The following TRAF3 variants were observed in gnomAD, a reference collection of about 807,000 sequenced individuals.
The protein encoded by TRAF3 is TNF receptor associated factor 3.
In TRAF3, 13 loss-of-function variants were observed where a neutral mutation model predicts 62.3. That is an observed-to-expected ratio of 0.21 (90% CI 0.14 to 0.33). The LOEUF is 0.33. Among genes scored for constraint, TRAF3 ranks in the 10% least tolerant of loss-of-function variants. The pLI is 1.00. For missense variants in TRAF3, 440 were observed against 741.8 expected (o/e 0.59, Z 4.73); for synonymous variants, 269 against 283.4 (o/e 0.95, Z 0.51).
intron 2 of TRAF3, among the ~76,000 whole-genome samples, chr14:102,845,531 T>TC (rs947335777): frequency 3.3e-5 from 5 of 150,332 alleles, no homozygotes; most frequent in African/African-American, 1.2e-4. Context: ...TTTTTTTTTT[T>TC]TCAAGACGGA....
chr14:102,891,997 G>A (rs1343357145), intron 9 of TRAF3, among the ~76,000 whole-genome samples: 7 of 150,552 alleles, frequency 4.6e-5, no homozygotes, highest in African/African-American at 7.3e-5. Context: ...AACTTGGTGC[G>A]CTCTCCACAT....
chr14:102,846,362 A>G (rs1886720157), intron 2 of TRAF3, among the ~76,000 whole-genome samples: 1 of 152,222 alleles, frequency 6.6e-6, no homozygotes, highest in Non-Finnish European at 1.5e-5. Flanking sequence ...AGACACAGCA[A>G]CAACAAAAAA....
intron 7 of TRAF3, among the ~76,000 whole-genome samples, 160 bp downstream of exon 7, chr14:102,886,429 T>C (rs185063977): frequency 6.6e-6 from 1 of 152,162 alleles, no homozygotes; most frequent in Non-Finnish European, 1.5e-5. Flanking sequence ...TATGCCATTT[T>C]TTGGAAGTCA....
chr14:102,868,157 G>A (rs1374695237), intron 2 of TRAF3, among the ~76,000 whole-genome samples: 1 of 152,242 alleles, frequency 6.6e-6, no homozygotes. Flanking sequence ...TTGGGTACAG[G>A]AACGCAGTGT....
At chr14:102,862,215 A>T (rs1158857570) in intron 2 of TRAF3, among the ~76,000 whole-genome samples, 1 of 152,018 alleles carries the variant, frequency 6.6e-6, no homozygotes, top group African/African-American at 2.4e-5. Flanking sequence ...TTTTTGAAAG[A>T]TAGTTTTACT....
intron 1 of TRAF3, among the ~76,000 whole-genome samples, chr14:102,780,612 C>T (rs1194449352): frequency 6.6e-6 from 1 of 151,516 alleles, no homozygotes; most frequent in Admixed American, 6.6e-5. Context: ...AATGTTGATG[C>T]CTGTTGGTTT....
intron 1 of TRAF3, among the ~76,000 whole-genome samples, chr14:102,818,464 G>T (rs1566753721): frequency 6.6e-6 from 1 of 152,358 alleles, no homozygotes; most frequent in South Asian, 2.1e-4. Context: ...CTTGTGGACA[G>T]ATCAGGTGGC....
chr14:102,827,938 G>A (rs535396544), intron 1 of TRAF3, among the ~76,000 whole-genome samples: 543 of 152,362 alleles, frequency 3.6e-3, no homozygotes, highest in Non-Finnish European at 5.0e-3. Context: ...TCATTCCCAG[G>A]AGCCCCTCAG....
chr14:102,870,239 T>A lies in TRAF3; in HGVS notation c.38T>A (p.Leu13Gln). ...AAAAAGATGGACTCTCCTGGCGCGC[T>A]GCAGACTAACCCGCCGCTAAAGCTG... ...SSKKMDSPGA[L>Q]QTNPPLKLHT... Residue 13 changes from leucine to glutamine, a missense_variant, in exon 3 of 12, where the codon CTG becomes CAG. Physicochemically the swap from Leu to Gln is moderately radical, Grantham distance 113. This residue lies in a region of TRAF3 where 40 missense variants were observed against 38.3 expected (regional missense o/e 1.05). Transcript: ENST00000392745. The A allele has an allele frequency of 1.2e-5, 20 of 1,613,982 alleles. No individual in the cohort carries two copies. The highest frequency in any genetic ancestry group is 1.7e-5 in the Non-Finnish European group (20 of 1,179,976).
intron 1 of TRAF3, among the ~76,000 whole-genome samples, chr14:102,808,159 G>A (rs776322328): frequency 1.5e-4 from 23 of 152,096 alleles, no homozygotes; most frequent in Non-Finnish European, 1.8e-4. Context: ...CACGTCCCTG[G>A]TTTGCCACAG....
chr14:102,842,570 G>C (rs1886440721), intron 2 of TRAF3, among the ~76,000 whole-genome samples: 1 of 152,076 alleles, frequency 6.6e-6, no homozygotes, highest in Non-Finnish European at 1.5e-5. Flanking sequence ...AAAATATTTG[G>C]AGAAATAATG....
At chr14:102,786,684 TA>T (rs563626261) in intron 1 of TRAF3, among the ~76,000 whole-genome samples, 31 of 148,392 alleles carry the variant, frequency 2.1e-4, no homozygotes, top group Non-Finnish European at 3.7e-4. Flanking sequence ...TAAAACTGTC[TA>T]AAAAAAAAAC....
intron 2 of TRAF3, among the ~76,000 whole-genome samples, chr14:102,837,717 G>C (rs1039688855): frequency 6.6e-6 from 1 of 152,168 alleles, no homozygotes; most frequent in African/African-American, 2.4e-5. Context: ...TGGAAATTTT[G>C]AGATATGTAT....
chr14:102,906,428 A>G lies in TRAF3; in HGVS notation c.*644A>G, dbSNP rs1890588707. On this transcript the variant is annotated 3_prime_UTR_variant, in exon 12 of 12. Transcript: ENST00000392745. ...AAATAATTGTTACTGCAAACATTTT[A>G]TTTTAAAACGTTGATAGACTGATAT... 2 of 152,448 alleles carry G rather than the reference A, an allele frequency of 1.3e-5. No individual in the cohort carries two copies. The highest frequency in any genetic ancestry group is 4.8e-5 in the African/African-American group (2 of 41,466). The allele number at this position is 152,448 out of a possible 1,614,324, so 9.4% of individuals were successfully genotyped here. A position where few individuals can be genotyped will look rare whatever the true frequency, so the allele number is the denominator to read the frequency against.
rs564861440 is a variant in TRAF3 at position 102,903,587 on chromosome 14, T to C, written c.1135+158T>C. On this transcript the variant is annotated intron_variant, in intron 11 of 11. Coordinates refer to ENST00000392745, the MANE Select transcript of TRAF3 (RefSeq NM_145725.3). The surrounding 1 kb of genome is among the most constrained non-coding windows in gnomAD (Gnocchi z 6.4). ...CGCAGAGGTGTGATGACTTTCCTAC[T>C]GAAAGTCCCCCAGCAAAGACAAACG... 64 of 1,075,150 alleles carry C rather than the reference T, an allele frequency of 6.0e-5. No homozygotes were observed. The highest frequency in any genetic ancestry group is 5.9e-4 in the Middle Eastern group (3 of 5,096). The allele number at this position is 1,075,150 out of a possible 1,614,324, so 66.6% of individuals were successfully genotyped here.
chr14:102,839,326 C>T (rs1430210367), intron 2 of TRAF3, among the ~76,000 whole-genome samples: 1 of 142,466 alleles, frequency 7.0e-6, no homozygotes, highest in African/African-American at 2.6e-5. Flanking sequence ...TCAAGCGATT[C>T]TCCTGCCTCA....
intron 6 of TRAF3, among the ~76,000 whole-genome samples, chr14:102,883,008 A>T (rs1186911795): frequency 1.3e-5 from 2 of 152,214 alleles, no homozygotes; most frequent in African/African-American, 4.8e-5. Context: ...CATACGTGGT[A>T]CAAGTCTGTA....
At chr14:102,814,685 AT>A (rs1280948263) in intron 1 of TRAF3, among the ~76,000 whole-genome samples, 1 of 151,756 alleles carries the variant, frequency 6.6e-6, no homozygotes, top group Non-Finnish European at 1.5e-5. Context: ...CATCTGGCTA[AT>A]TTTTTGTACT....
intron 6 of TRAF3, among the ~76,000 whole-genome samples, chr14:102,885,482 G>A (rs1375344115): frequency 1.3e-5 from 2 of 152,118 alleles, no homozygotes; most frequent in South Asian, 2.1e-4. Context: ...GTCCTTGTGG[G>A]GAGTCCTTGC....
Sources: gnomAD v4.1 joint callset for allele counts (sites outside exome capture counted in the v4.1 genomes callset) on GRCh38, gnomAD v4.1.1 for gene constraint, gnomAD v4.1.1 regional missense constraint, Gnocchi (gnomAD v3.1) non-coding constraint, MANE v1.5 for transcripts, NCBI Gene and HGNC (gene_info 2026-07-23, HGNC 2026-07-21) for gene names.